ADA2: variants seen among roughly 807,000 people sequenced by gnomAD.
The protein encoded by ADA2 is adenosine deaminase 2.
A neutral mutation model predicts 44.2 loss-of-function variants in ADA2; 29 were observed. That is an observed-to-expected ratio of 0.66 (90% CI 0.49 to 0.89). The LOEUF (loss-of-function observed/expected upper bound fraction) is 0.89. ADA2 is among the 40% of genes least tolerant of loss of function. ADA2 has a pLI of 0.00. For synonymous variants in ADA2, 215 were observed against 234.9 expected (o/e 0.92, Z 0.77); for missense variants, 637 against 644.8 (o/e 0.99, Z 0.13).
intron 7 of ADA2, among the ~76,000 whole-genome samples, chr22:17,184,524 A>G (rs1182858016): frequency 6.6e-6 from 1 of 152,212 alleles, no homozygotes; most frequent in African/African-American, 2.4e-5. Context: ...CAATGGGCAT[A>G]GCACAGATTG....
intron 5 of ADA2, 48 bp downstream of exon 5, chr22:17,191,635 T>C (rs1393681181): frequency 6.8e-7 from 1 of 1,466,396 alleles, no homozygotes; most frequent in Admixed American, 1.8e-5. Context: ...TAGCTCTGCC[T>C]GCATCCCAGC....
chr22:17,196,766 G>A (rs1186546646), intron 4 of ADA2, among the ~76,000 whole-genome samples: 8 of 152,184 alleles, frequency 5.3e-5, no homozygotes, highest in Non-Finnish European at 8.8e-5. Flanking sequence ...AGGCAGCAAG[G>A]GCAAATAGAC....
intron 2 of ADA2, among the ~76,000 whole-genome samples, chr22:17,208,561 G>C (rs2062381021): frequency 6.6e-6 from 1 of 151,814 alleles, no homozygotes; most frequent in African/African-American, 2.4e-5. Flanking sequence ...CCAGCACTTT[G>C]GGAGGCCGAG....
chr22:17,196,633 G>T (rs2062194646), intron 4 of ADA2, among the ~76,000 whole-genome samples: 1 of 152,088 alleles, frequency 6.6e-6, no homozygotes, highest in Admixed American at 6.6e-5. Context: ...CTCCTCCAGG[G>T]TAGAGTCCTT....
At chr22:17,189,805 A>G in intron 6 of ADA2, 137 bp downstream of exon 6, 1 of 644,778 alleles carries the variant, frequency 1.6e-6, no homozygotes, top group Non-Finnish European at 2.8e-6. Flanking sequence ...CTGTGTCAGC[A>G]GCCTGAGCCT....
chr22:17,208,002 TG>T (rs1339896787), intron 2 of ADA2, among the ~76,000 whole-genome samples: 4 of 152,120 alleles, frequency 2.6e-5, no homozygotes, highest in Non-Finnish European at 5.9e-5. Context: ...CTGCGCTTCT[TG>T]TGCCCATCCA....
intron 3 of ADA2, among the ~76,000 whole-genome samples, 173 bp downstream of exon 3, chr22:17,206,898 C>T (rs575592330): frequency 2.0e-5 from 3 of 152,192 alleles, no homozygotes; most frequent in Non-Finnish European, 4.4e-5. Flanking sequence ...AAGTGATCCG[C>T]TCGCCTTGGC....
In ADA2 at chr22:17,181,383, C is replaced by T; in HGVS notation, c.*100G>A. The T allele has an allele frequency of 2.4e-6, 2 of 818,732 alleles. No homozygotes were observed. Among genetic ancestry groups the T allele is most frequent in the South Asian group, 2.8e-5 (2 of 70,922 alleles). 50.7% of individuals were successfully genotyped at this position (818,732 alleles called of 1,614,324 possible). The stretch of plus-strand genomic sequence containing the variant: ...CTCACAGGGTCGCTCCATACAGAGG[C>T]CATTGATTTCATGGGCACATGGAGC... On this transcript the variant is annotated 3_prime_UTR_variant, in exon 10 of 10. Coordinates refer to ENST00000399837, the MANE Select transcript of ADA2 (RefSeq NM_001282225.2).
intron 4 of ADA2, among the ~76,000 whole-genome samples, chr22:17,201,855 C>T (rs2062291080): frequency 2.0e-5 from 3 of 152,092 alleles, no homozygotes; most frequent in Non-Finnish European, 4.4e-5. Context: ...AATGCAAGAC[C>T]CAAAAATCAG....
intron 1 of ADA2, among the ~76,000 whole-genome samples, chr22:17,210,279 C>T (rs1348690051): frequency 6.7e-6 from 1 of 149,410 alleles, no homozygotes; most frequent in African/African-American, 2.5e-5. Flanking sequence ...CAACCTCCGC[C>T]TCCCGGGTTC....
intron 4 of ADA2, among the ~76,000 whole-genome samples, chr22:17,192,024 C>A (rs554581230): frequency 6.6e-6 from 1 of 151,568 alleles, no homozygotes; most frequent in Non-Finnish European, 1.5e-5. Flanking sequence ...CAGCCATCAA[C>A]GAGCTCTGGG....
At chr22:17,189,895 C>T (rs1601433172) in intron 6 of ADA2, 47 bp downstream of exon 6, 5 of 1,371,458 alleles carry the variant, frequency 3.6e-6, no homozygotes, top group Admixed American at 1.7e-5. Context: ...CAGGCATCCT[C>T]GCATGCCCCC....
In ADA2 at chr22:17,181,883, A is replaced by T. The variant is rs989747218; in HGVS notation, c.1379T>A (p.Met460Lys). Residue 460 changes from methionine to lysine, a missense_variant, in exon 9 of 10, where the codon ATG becomes AAG. Met to Lys is a moderately conservative substitution (Grantham distance 95). Transcript: ENST00000399837. ...GTCAGCCTTCATCCCCCCAATGCCC[A>T]TGAAGACCTCATAGAAATCATAGGA... ...GLSYDFYEVF[M>K]GIGGMKADLR... is the part of the protein sequence containing the mutation. 26 of 1,614,058 alleles carry T rather than the reference A, an allele frequency of 1.6e-5. No individual in the cohort carries two copies. Among genetic ancestry groups the T allele is most frequent in the Non-Finnish European group, 2.2e-5 (26 of 1,180,034 alleles).
intron 1 of ADA2, among the ~76,000 whole-genome samples, chr22:17,217,840 G>C (rs1050877062): frequency 3.3e-5 from 5 of 152,044 alleles, no homozygotes; most frequent in Admixed American, 6.6e-5. Context: ...TTTTTAAAAT[G>C]AAAATAAAAC....
At chr22:17,219,035 T>C (rs566874235) in intron 1 of ADA2, among the ~76,000 whole-genome samples, 1 of 152,236 alleles carries the variant, frequency 6.6e-6, no homozygotes, top group South Asian at 2.1e-4. Flanking sequence ...TGGGTGCCTG[T>C]AATCACAGCT....
rs138746814 is a variant in ADA2 at position 17,181,932 on chromosome 22, C to T, written c.1330G>A (p.Ala444Thr). 8 of 1,614,032 alleles carry T rather than the reference C, an allele frequency of 5.0e-6. No homozygotes were observed. The highest frequency in any genetic ancestry group is 1.1e-5 in the South Asian group (1 of 91,086). ...HPMVISSDDP[A>T]MFGAKGLSYD... ...GACAAGCCTTTGGCACCAAACATAG[C>T]TGGGTCATCAGAGCTGATCACCATG... The change falls in exon 9 of 10, where the codon GCT becomes ACT. Residue 444 changes from alanine to threonine, a missense_variant. Coordinates refer to ENST00000399837, the MANE Select transcript of ADA2 (RefSeq NM_001282225.2).
chr22:17,205,765 G>A (rs1223663071), intron 3 of ADA2, among the ~76,000 whole-genome samples: 2 of 152,206 alleles, frequency 1.3e-5, no homozygotes, highest in East Asian at 3.9e-4. Context: ...GACGGCTTGA[G>A]CCGCAGAGTT....
rs1016668765 is a variant in ADA2 at position 17,189,688 on chromosome 22, T to A, written c.972+254A>T. The A allele has an allele frequency of 1.1e-5, 5 of 439,788 alleles. No individual in the cohort carries two copies. In the East Asian group the frequency reaches 2.1e-4, roughly 19 times the overall value. 27.2% of individuals were successfully genotyped at this position (439,788 alleles called of 1,614,324 possible). On this transcript the variant is annotated intron_variant, in intron 6 of 9. Coordinates refer to ENST00000399837, the MANE Select transcript of ADA2 (RefSeq NM_001282225.2). ...CTGAATGCCATCCTTATTCTGGAAC[T>A]TTCCTTGTTAGCTTGTTAGAACTGG...
rs2061964762 is a variant in ADA2 at position 17,181,236 on chromosome 22, A to C, written c.*247T>G. The C allele has an allele frequency of 1.3e-5, 6 of 468,120 alleles. No homozygotes were observed. The highest frequency in any genetic ancestry group is 1.9e-5 in the Non-Finnish European group (5 of 257,008). The allele number at this position is 468,120 out of a possible 1,614,324, so 29.0% of individuals were successfully genotyped here. The stretch of plus-strand genomic sequence containing the variant: ...GCACAGAGATCAGAGAGAGGAGAAG[A>C]CTCTGAAATAGGGAAACTGGAAGAA... On this transcript the variant is annotated 3_prime_UTR_variant, in exon 10 of 10. Coordinates refer to ENST00000399837, the MANE Select transcript of ADA2 (RefSeq NM_001282225.2).
Sources: gnomAD v4.1 joint callset for allele counts (sites outside exome capture counted in the v4.1 genomes callset) on GRCh38, gnomAD v4.1.1 for gene constraint, MANE v1.5 for transcripts, NCBI Gene and HGNC (gene_info 2026-07-23, HGNC 2026-07-21) for gene names.